The following MECOM variants were observed in gnomAD, a reference collection of about 807,000 sequenced individuals.
MECOM encodes MDS1 and EVI1 complex locus.
A neutral mutation model predicts 116.3 loss-of-function variants in MECOM; 13 were observed. The ratio of observed to expected loss-of-function variants is 0.11; its 90% CI spans 0.07 to 0.18. The LOEUF (loss-of-function observed/expected upper bound fraction) is 0.18, where lower values mean the gene tolerates loss of function less well. MECOM is among the 10% of genes least tolerant of loss of function. MECOM has a pLI of 1.00. For missense variants in MECOM, 1,299 were observed against 1,509.0 expected (o/e 0.86, Z 2.31); for synonymous variants, 528 against 535.2 (o/e 0.99, Z 0.19).
intron 2 of MECOM, among the ~76,000 whole-genome samples, chr3:169,210,169 C>A (rs985441976): frequency 6.6e-6 from 1 of 151,994 alleles, no homozygotes; most frequent in African/African-American, 2.4e-5. Context: ...ATAACACACA[C>A]TGGGGCCAGT....
chr3:169,645,777 A>G (rs1027311913), intron 1 of MECOM, among the ~76,000 whole-genome samples: 8 of 152,200 alleles, frequency 5.3e-5, no homozygotes, highest in African/African-American at 1.9e-4. Context: ...GTAGCCCCCA[A>G]TTGTAGCATT....
At chr3:169,496,942 C>A (rs1454257345) in intron 1 of MECOM, among the ~76,000 whole-genome samples, 1 of 152,198 alleles carries the variant, frequency 6.6e-6, no homozygotes, top group Non-Finnish European at 1.5e-5. Flanking sequence ...CACAGCCAAG[C>A]ATGCATAAAC....
At chr3:169,364,072 T>C (rs1300390779) in intron 2 of MECOM, among the ~76,000 whole-genome samples, 1 of 151,934 alleles carries the variant, frequency 6.6e-6, no homozygotes, top group Non-Finnish European at 1.5e-5. Context: ...AGTACATCTG[T>C]TCAATTAAAA....
intron 1 of MECOM, among the ~76,000 whole-genome samples, chr3:169,625,552 A>C (rs990099996): frequency 1.3e-5 from 2 of 152,230 alleles, no homozygotes; most frequent in Non-Finnish European, 2.9e-5. Flanking sequence ...AAAAATAGGA[A>C]GTTTCACTGT....
At chr3:169,612,123 G>T (rs902820558) in intron 1 of MECOM, among the ~76,000 whole-genome samples, 3 of 152,288 alleles carry the variant, frequency 2.0e-5, no homozygotes, top group Admixed American at 6.5e-5. Flanking sequence ...ATAACTCCCA[G>T]TTGAGAATCA....
At chr3:169,583,453 T>TC (rs1053182198) in intron 1 of MECOM, among the ~76,000 whole-genome samples, 82 of 152,080 alleles carry the variant, frequency 5.4e-4, no homozygotes, top group African/African-American at 2.0e-3. Context: ...GTCCTCTCTC[T>TC]CCCCCTCTAT....
intron 3 of MECOM, among the ~76,000 whole-genome samples, chr3:169,139,602 CT>C (rs1737476991): frequency 6.6e-6 from 1 of 152,100 alleles, no homozygotes; most frequent in Admixed American, 6.6e-5. Context: ...TAAATTGTGT[CT>C]TAGTGACTCT....
chr3:169,112,133 C>A (rs1454996734), intron 9 of MECOM, among the ~76,000 whole-genome samples: 1 of 151,950 alleles, frequency 6.6e-6, no homozygotes, highest in Non-Finnish European at 1.5e-5. Flanking sequence ...AATATGTAAA[C>A]CTGTTTTTTA....
intron 1 of MECOM, among the ~76,000 whole-genome samples, chr3:169,521,598 C>T (rs78366033): frequency 0.02 from 2,996 of 152,138 alleles, 33 homozygotes; most frequent in Middle Eastern, 0.037. Flanking sequence ...TGGATCAGAC[C>T]AGTGCAGCAT....
intron 1 of MECOM, among the ~76,000 whole-genome samples, chr3:169,528,104 T>C (rs1415702981): frequency 4.6e-5 from 7 of 152,198 alleles, no homozygotes; most frequent in Non-Finnish European, 7.3e-5. Flanking sequence ...TGGTCTATTT[T>C]CTGAGCCAAA....
chr3:169,393,446 A>G (rs1424786512), intron 1 of MECOM, among the ~76,000 whole-genome samples: 2 of 152,228 alleles, frequency 1.3e-5, no homozygotes, highest in East Asian at 3.8e-4. Context: ...AGCAAAATTC[A>G]TTTTGAGAGC....
At chr3:169,388,368 G>A (rs955280521) in intron 1 of MECOM, among the ~76,000 whole-genome samples, 3 of 152,160 alleles carry the variant, frequency 2.0e-5, no homozygotes, top group Non-Finnish European at 2.9e-5. Context: ...GAATAAACAC[G>A]TGCTGGGCTT....
rs182937963 is a variant in MECOM, at chr3:169,375,018, G to A, written c.375+6169C>T. 3.9e-3 allele frequency among the ~76,000 whole-genome samples: 597 copies of A among 152,010 alleles called. 7 individuals are homozygous for A. The highest frequency in any genetic ancestry group is 0.014 in the African/African-American group (569 of 41,506). Reference sequence around the variant, plus strand: ...CTCCAGCCTGGGTGACATAGACAAAGGGAGACCCTGTCTCTAAAGAAAAGA... The same window carrying A: ...CTCCAGCCTGGGTGACATAGACAAAAGGAGACCCTGTCTCTAAAGAAAAGA... On this transcript the variant is annotated intron_variant, in intron 2 of 16. Transcript: ENST00000651503.
intron 2 of MECOM, among the ~76,000 whole-genome samples, chr3:169,212,524 A>T (rs1750861607): frequency 6.6e-6 from 1 of 150,590 alleles, no homozygotes; most frequent in Non-Finnish European, 1.5e-5. Flanking sequence ...TGTCTTTTAA[A>T]ACAATGTGAA....
intron 2 of MECOM, among the ~76,000 whole-genome samples, chr3:169,187,854 T>C (rs1263797247): frequency 6.6e-6 from 1 of 152,088 alleles, no homozygotes; most frequent in African/African-American, 2.4e-5. Flanking sequence ...TCTGTTAACT[T>C]GGGTTATCAG....
chr3:169,481,427 T>A (rs1170065043), intron 1 of MECOM, among the ~76,000 whole-genome samples: 1 of 151,904 alleles, frequency 6.6e-6, no homozygotes, highest in Non-Finnish European at 1.5e-5. Context: ...TTGGTACATG[T>A]CTATAGTCCC....
intron 2 of MECOM, among the ~76,000 whole-genome samples, chr3:169,173,128 AT>A (rs1182056844): frequency 6.6e-6 from 1 of 152,180 alleles, no homozygotes; most frequent in African/African-American, 2.4e-5. Flanking sequence ...CAAATATAAA[AT>A]ATTTATGAAA....
Position 169,488,372 on chromosome 3 carries a change from CAAAAAAAA to C in MECOM, c.38-106856_38-106849del, listed in dbSNP as rs758493062. On this transcript the variant is annotated intron_variant, in intron 1 of 16. Transcript: ENST00000651503. ...TAAAACCCTGTCTCTACTAAAAATA[CAAAAAAAA>C]AAAAAAAAAAAAAAAATTAGCCAGG... is the stretch of plus-strand genomic sequence containing the variant. Among the ~76,000 whole-genome samples the C allele has an allele frequency of 5.7e-3, 354 of 62,398 alleles. 3 individuals are homozygous for C. Among genetic ancestry groups the C allele is most frequent in the African/African-American group, 0.018 (329 of 18,302 alleles). 40.9% of individuals were successfully genotyped at this position (62,398 alleles called of 152,430 possible).
intron 2 of MECOM, among the ~76,000 whole-genome samples, chr3:169,353,582 T>C (rs13324208): frequency 0.41 from 61,488 of 151,624 alleles, 12,813 homozygotes; most frequent in Admixed American, 0.51. Flanking sequence ...AAATTCAGAA[T>C]CTTTTCCAAA....
Sources: gnomAD v4.1 joint callset for allele counts (sites outside exome capture counted in the v4.1 genomes callset) on GRCh38, gnomAD v4.1.1 for gene constraint, MANE v1.5 for transcripts, NCBI Gene and HGNC (gene_info 2026-07-23, HGNC 2026-07-21) for gene names.